Variants in CACNG2 observed in about 807,000 individuals in gnomAD.
CACNG2 encodes voltage-dependent calcium channel gamma-2 subunit.
CACNG2 carries 3 observed loss-of-function variants against 25.9 expected under a neutral mutation model. That is an observed-to-expected ratio of 0.12 (90% CI 0.05 to 0.30). The LOEUF (loss-of-function observed/expected upper bound fraction) is 0.30, where lower values mean the gene tolerates loss of function less well. Among genes scored for constraint, CACNG2 ranks in the 10% least tolerant of loss-of-function variants. CACNG2 has a pLI of 1.00. For missense variants in CACNG2, 341 were observed against 432.5 expected, an observed-to-expected ratio of 0.79 and a Z score of 1.88; for synonymous variants, 167 against 173.3, an observed-to-expected ratio of 0.96 and a Z score of 0.29.
rs1603500758 is a variant in CACNG2 at position 36,582,174 on chromosome 22, T to C, written c.295+5291A>G. Among the ~76,000 whole-genome samples, 3 of 152,336 alleles carry C rather than the reference T, an allele frequency of 2.0e-5. No individual in the cohort carries two copies. In the South Asian group the frequency reaches 6.2e-4, roughly 32 times the overall value. ...CTGCCCTGGTCCGATTTCAGTCCCT[T>C]ATGAACACAACAGCCAGAGCCTGTT... On this transcript the variant is annotated intron_variant, in intron 2 of 3. Transcript: ENST00000300105.
Position 36,587,596 on chromosome 22 carries a change from G to A in CACNG2, c.212-48C>T, listed in dbSNP as rs762803739. 9.0e-5 allele frequency: 119 copies of A among 1,327,206 alleles called. 2 individuals are homozygous for A. The South Asian group carries it at 1.3e-3, about 14-fold the overall frequency. 82.2% of individuals were successfully genotyped at this position (1,327,206 alleles called of 1,614,324 possible). ...GCACATGAAACATCATAGTTTTGGG[G>A]GCGCTTAGGGCCCACCTGCCTCTTC... On this transcript the variant is annotated intron_variant, in intron 1 of 3. Transcript: ENST00000300105.
At position 36,661,966 on chromosome 22, in the gene CACNG2, C is replaced by CTTTTTTTTTTTT. The variant is rs71193254; in HGVS notation, c.211+40388_211+40399dup. Among the ~76,000 whole-genome samples the CTTTTTTTTTTTT allele has an allele frequency of 6.3e-4, 28 of 44,590 alleles. 6 individuals are homozygous for CTTTTTTTTTTTT. Among genetic ancestry groups the CTTTTTTTTTTTT allele is most frequent in the East Asian group, 2.8e-3 (2 of 722 alleles). 29.3% of individuals were successfully genotyped at this position (44,590 alleles called of 152,430 possible). A position where few individuals can be genotyped will look rare whatever the true frequency, so the allele number is the denominator to read the frequency against. On this transcript the variant is annotated intron_variant, in intron 1 of 3. Transcript: ENST00000300105. ...TGCTTCCTATGGACTCATTGCTATT[C>CTTTTTTTTTTTT]TTTTTTTTTTTTTTTTTTTTTTTTT...
intron 1 of CACNG2, among the ~76,000 whole-genome samples, chr22:36,605,435 A>G (rs1368733262): frequency 6.6e-6 from 1 of 152,138 alleles, no homozygotes; most frequent in Admixed American, 6.5e-5. Flanking sequence ...CTATGTTATG[A>G]TATCTGGTGT....
At chr22:36,596,240 C>T (rs1364069005) in intron 1 of CACNG2, among the ~76,000 whole-genome samples, 1 of 152,212 alleles carries the variant, frequency 6.6e-6, no homozygotes, top group Non-Finnish European at 1.5e-5. Context: ...TCAACCTTTG[C>T]TGCTCCTGGC....
At chr22:36,596,433 C>T (rs1935679645) in intron 1 of CACNG2, among the ~76,000 whole-genome samples, 1 of 152,118 alleles carries the variant, frequency 6.6e-6, no homozygotes, top group African/African-American at 2.4e-5. Context: ...TGATCGTTCT[C>T]TCGTTCGTTC....
chr22:36,641,305 C>G (rs1221682911), intron 1 of CACNG2, among the ~76,000 whole-genome samples: 4 of 152,216 alleles, frequency 2.6e-5, no homozygotes, highest in Admixed American at 2.6e-4. Context: ...TCTCCAGTAC[C>G]TAGCACAGTG....
intron 1 of CACNG2, among the ~76,000 whole-genome samples, chr22:36,594,016 C>A (rs184384339): frequency 1.3e-5 from 2 of 152,112 alleles, no homozygotes; most frequent in African/African-American, 2.4e-5. Context: ...GATTTCATTT[C>A]CCTAAGGCCA....
chr22:36,625,806 T>C (rs1005658844), intron 1 of CACNG2, among the ~76,000 whole-genome samples: 13 of 152,164 alleles, frequency 8.5e-5, no homozygotes, highest in African/African-American at 1.9e-4. Context: ...AAAACAAAAA[T>C]TGAGAACAAG....
Position 36,587,560 on chromosome 22 carries a change from G to A in CACNG2, c.212-12C>T. The A allele has an allele frequency of 1.9e-6, 3 of 1,595,628 alleles. No individual in the cohort carries two copies. In the East Asian group the frequency reaches 6.7e-5, roughly 36 times the overall value. On this transcript the variant is annotated splice_polypyrimidine_tract_variant and intron_variant, in intron 1 of 3. Transcript: ENST00000300105. ...ACCTTTGAAATTCCCTGCAAAACAAGGGGAGAAGGAGCACATGAAACATCA... is the reference window on the plus strand; with the variant it reads ...ACCTTTGAAATTCCCTGCAAAACAAAGGGAGAAGGAGCACATGAAACATCA...
intron 1 of CACNG2, among the ~76,000 whole-genome samples, chr22:36,655,507 T>G (rs143317641): frequency 1.3e-5 from 2 of 152,354 alleles, no homozygotes; most frequent in East Asian, 3.9e-4. Flanking sequence ...CTCAAGGTTA[T>G]GCAGAATAGG....
At chr22:36,615,353 T>C (rs1387704978) in intron 1 of CACNG2, among the ~76,000 whole-genome samples, 4 of 152,166 alleles carry the variant, frequency 2.6e-5, no homozygotes. Context: ...CCCTTCTTGG[T>C]TTAGTCTGTG....
intron 1 of CACNG2, among the ~76,000 whole-genome samples, chr22:36,670,373 T>C (rs1453800950): frequency 1.3e-5 from 2 of 152,212 alleles, no homozygotes; most frequent in African/African-American, 2.4e-5. Context: ...TAAATATAGA[T>C]GATAGCTTAG....
rs778015545 is a variant in CACNG2 at position 36,587,545 on chromosome 22, T to C, written c.215A>G (p.Asn72Ser). 5.0e-6 allele frequency: 8 copies of C among 1,610,642 alleles called. No individual in the cohort carries two copies. The highest frequency in any genetic ancestry group is 1.3e-5 in the African/African-American group (1 of 74,860). Residue 72 changes from asparagine (N) to serine (S), a missense_variant, in exon 2 of 4, where the codon AAT (asparagine) becomes AGT (serine). Transcript: ENST00000300105. ...AATTTGCTTGCACAGACCTTTGAAATTCCCTGCAAAACAAGGGGAGAAGGA... is the reference window on the plus strand; with the variant it reads ...AATTTGCTTGCACAGACCTTTGAAACTCCCTGCAAAACAAGGGGAGAAGGA... ...GLWRTCCLEG[N>S]FKGLCKQIDH...
chr22:36,573,481 G>A (rs1935266001), intron 2 of CACNG2, among the ~76,000 whole-genome samples: 1 of 152,002 alleles, frequency 6.6e-6, no homozygotes, highest in African/African-American at 2.4e-5. Flanking sequence ...CAGGCCATGT[G>A]CCATCACACC....
chr22:36,615,793 G>T (rs1936013294), intron 1 of CACNG2, among the ~76,000 whole-genome samples: 1 of 152,118 alleles, frequency 6.6e-6, no homozygotes, highest in African/African-American at 2.4e-5. Flanking sequence ...TTAGCTTTCT[G>T]CTTTCCAAAG....
At chr22:36,675,740 G>C (rs768806787) in intron 1 of CACNG2, among the ~76,000 whole-genome samples, 2 of 152,206 alleles carry the variant, frequency 1.3e-5, no homozygotes, top group Non-Finnish European at 2.9e-5. Flanking sequence ...ACCTGTTATC[G>C]TAGTATCCCA....
intron 2 of CACNG2, among the ~76,000 whole-genome samples, chr22:36,567,010 C>T (rs535760284): frequency 9.2e-5 from 14 of 152,246 alleles, no homozygotes; most frequent in Admixed American, 6.5e-4. Context: ...CTTTGGGGCC[C>T]TTGGGCACGC....
intron 1 of CACNG2, among the ~76,000 whole-genome samples, chr22:36,674,357 C>T (rs2145995625): frequency 6.6e-6 from 1 of 152,312 alleles, no homozygotes; most frequent in African/African-American, 2.4e-5. Context: ...GAGACGGAGT[C>T]TCCCTCTGTC....
chr22:36,658,519 A>G (rs2145981411), intron 1 of CACNG2, among the ~76,000 whole-genome samples: 1 of 152,354 alleles, frequency 6.6e-6, no homozygotes, highest in South Asian at 2.1e-4. Flanking sequence ...TAAGGATAAT[A>G]CAGCTCAGAA....
Sources: allele counts gnomAD v4.1 joint callset (sites outside exome capture counted in the v4.1 genomes callset), GRCh38; gene constraint gnomAD v4.1.1; transcripts MANE v1.5; gene names NCBI Gene and HGNC (gene_info 2026-07-23, HGNC 2026-07-21).